The following SYNE1 variants were observed in gnomAD, a reference collection of about 807,000 sequenced individuals.
SYNE1 encodes nesprin-1.
A neutral mutation model predicts 1,111.0 loss-of-function variants in SYNE1; 616 were observed. The observed-to-expected ratio is 0.55, with a 90% CI of 0.52 to 0.59. The LOEUF (loss-of-function observed/expected upper bound fraction) is 0.59, where lower values mean the gene tolerates loss of function less well. SYNE1 is among the 20% of genes least tolerant of loss of function. The pLI, the probability that SYNE1 is intolerant of heterozygous loss-of-function variation, is 0.00. For synonymous variants in SYNE1, 3,855 were observed against 3,825.8 expected (o/e 1.01, Z -0.28); for missense variants, 10,006 against 10,417.0 (o/e 0.96, Z 1.72).
intron 51 of SYNE1, among the ~76,000 whole-genome samples, chr6:152,393,912 G>T (rs1563665787): frequency 6.6e-6 from 1 of 152,148 alleles, no homozygotes; most frequent in East Asian, 1.9e-4. Flanking sequence ...GTGCCATGGT[G>T]GTTTGCTGCA....
rs2058919264 is a variant in SYNE1, at chr6:152,143,635, G to A, written c.25107C>T (p.Ser8369=). ...KTPTGPELDT[S]YKGYMKLLGE... ...CCAGGATACTTACGTAGCCTTTGTAGCTGGTGTCTAGCTCCGGCCCCGTGG... is the reference window on the plus strand; with the variant it reads ...CCAGGATACTTACGTAGCCTTTGTAACTGGTGTCTAGCTCCGGCCCCGTGG... The change falls in exon 138 of 146, where the codon AGC becomes AGT. Residue 8369 remains serine (S), a synonymous_variant. Coordinates refer to ENST00000367255, the MANE Select transcript of SYNE1 (RefSeq NM_182961.4). 1 of 1,614,064 alleles carries A rather than the reference G, an allele frequency of 6.2e-7. No homozygotes were observed. Among genetic ancestry groups the A allele is most frequent in the African/African-American group, 1.3e-5 (1 of 74,922 alleles).
Position 152,213,810 on chromosome 6 carries a change from C to T in SYNE1, c.22347-51G>A, listed in dbSNP as rs1420566926. 3 of 1,610,304 alleles carry T rather than the reference C, an allele frequency of 1.9e-6. No individual in the cohort carries two copies. The South Asian group carries it at 3.3e-5, about 18-fold the overall frequency. On this transcript the variant is annotated intron_variant, in intron 122 of 145. Coordinates refer to ENST00000367255, the MANE Select transcript of SYNE1 (RefSeq NM_182961.4). Reference sequence around the variant, plus strand: ...ATGGTTATTTCACTGCTTATTCTTACTTCTCTAGCATATAAAACTAGATTA... The same window carrying T: ...ATGGTTATTTCACTGCTTATTCTTATTTCTCTAGCATATAAAACTAGATTA...
In SYNE1 at chr6:152,149,414, C is replaced by T. The variant is rs1417006460; in HGVS notation, c.24642+63G>A. On this transcript the variant is annotated intron_variant, in intron 136 of 145. Coordinates refer to ENST00000367255, the MANE Select transcript of SYNE1 (RefSeq NM_182961.4). ...AGCTCTCACCCACTATCAATACAAC[C>T]CAATCCCACACGACTTATTCTCTTT... The T allele has an allele frequency of 2.5e-6, 4 of 1,601,262 alleles. No individual in the cohort carries two copies. The Admixed American group carries it at 6.7e-5, about 27-fold the overall frequency.
chr6:152,534,371 G>C (rs1370358120), intron 4 of SYNE1, among the ~76,000 whole-genome samples: 1 of 151,882 alleles, frequency 6.6e-6, no homozygotes, highest in Admixed American at 6.6e-5. Flanking sequence ...ATTTTGAAAT[G>C]GGAATTTTCC....
Position 152,151,533 on chromosome 6 carries a change from C to T in SYNE1, c.24450+20G>A. The T allele has an allele frequency of 1.2e-6, 2 of 1,613,530 alleles. No individual in the cohort carries two copies. The highest frequency in any genetic ancestry group is 8.5e-7 in the Non-Finnish European group (1 of 1,179,836). On this transcript the variant is annotated intron_variant, in intron 135 of 145. Coordinates refer to ENST00000367255, the MANE Select transcript of SYNE1 (RefSeq NM_182961.4). ...TTTCAGGCTTTCTTCACTTTGGTAA[C>T]TTGAAAAATAATCTATTACCTTGAG...
Position 152,502,669 on chromosome 6 carries a change from G to A in SYNE1, c.852C>T (p.Asp284=). 2 of 1,613,904 alleles carry A rather than the reference G, an allele frequency of 1.2e-6. No individual in the cohort carries two copies. Among genetic ancestry groups the A allele is most frequent in the Non-Finnish European group, 1.7e-6 (2 of 1,179,890 alleles). The change falls in exon 10 of 146, where the codon GAC becomes GAT. Residue 284 remains aspartate, a synonymous_variant. Coordinates refer to ENST00000367255, the MANE Select transcript of SYNE1 (RefSeq NM_182961.4). ...GCCCATCAGTGCTTGCATTGTGGAT[G>A]TCAGGATAATGTTTCAGAAACTGGG... ...YVAQFLKHYP[D]IHNASTDGQE... is the part of the protein sequence containing the mutation.
At chr6:152,504,974 T>A (rs1384421655) in intron 9 of SYNE1, among the ~76,000 whole-genome samples, 1 of 152,192 alleles carries the variant, frequency 6.6e-6, no homozygotes, top group Non-Finnish European at 1.5e-5. Flanking sequence ...CCGACTGACA[T>A]ACCAATGCCA....
Position 152,416,923 on chromosome 6 carries a change from G to A in SYNE1, c.5514C>T (p.Asp1838=). The change falls in exon 41 of 146, where the codon GAC becomes GAT. Residue 1838 remains aspartate (D), a synonymous_variant. Transcript: ENST00000367255. ...AKLGSLGRAE[D]LHLLQGKAED... The stretch of plus-strand genomic sequence containing the variant: ...CAGCCTTTCCCTGCAGGAGGTGGAG[G>A]TCCTCAGCACGGCCCAGAGAACCCA... 6.2e-7 allele frequency: 1 copy of A among 1,614,104 alleles called. No homozygotes were observed. Among genetic ancestry groups the A allele is most frequent in the South Asian group, 1.1e-5 (1 of 91,082 alleles).
chr6:152,366,534 C>T (rs1254010514), intron 62 of SYNE1, among the ~76,000 whole-genome samples: 3 of 152,078 alleles, frequency 2.0e-5, no homozygotes, highest in Admixed American at 6.6e-5. Context: ...CCACACAACT[C>T]GGGTTACCTA....
At chr6:152,569,910 C>T (rs2099438878) in intron 3 of SYNE1, among the ~76,000 whole-genome samples, 1 of 152,160 alleles carries the variant, frequency 6.6e-6, no homozygotes, top group African/African-American at 2.4e-5. Flanking sequence ...AAAATAAATA[C>T]ACCTTTATTA....
Position 152,319,035 on chromosome 6 carries a change from C to T in SYNE1, c.16237-20G>A, listed in dbSNP as rs1463216530. On this transcript the variant is annotated intron_variant, in intron 84 of 145. Coordinates refer to ENST00000367255, the MANE Select transcript of SYNE1 (RefSeq NM_182961.4). ...TTGGATCTAAAAAAATCAGTAAGAACAGCAAAACAAGCCATGGTTAAAAGT... is the reference window on the plus strand; with the variant it reads ...TTGGATCTAAAAAAATCAGTAAGAATAGCAAAACAAGCCATGGTTAAAAGT... The T allele has an allele frequency of 6.2e-6, 10 of 1,613,664 alleles. No homozygotes were observed. The highest frequency in any genetic ancestry group is 8.5e-6 in the Non-Finnish European group (10 of 1,179,858).
At chr6:152,200,079 C>G (rs180986953) in intron 127 of SYNE1, among the ~76,000 whole-genome samples, 38 of 152,192 alleles carry the variant, frequency 2.5e-4, no homozygotes, top group Non-Finnish European at 3.5e-4. Context: ...ACCCCCCCAA[C>G]TCGAGCATCA....
At chr6:152,593,514 A>T (rs913694978) in intron 3 of SYNE1, among the ~76,000 whole-genome samples, 1 of 152,102 alleles carries the variant, frequency 6.6e-6, no homozygotes, top group Non-Finnish European at 1.5e-5. Flanking sequence ...TCCGGGAGGC[A>T]GAGCTTATAG....
At chr6:152,176,892 T>C (rs922753176) in intron 129 of SYNE1, among the ~76,000 whole-genome samples, 6 of 152,164 alleles carry the variant, frequency 3.9e-5, no homozygotes, top group African/African-American at 1.2e-4. Context: ...AATTATAGTT[T>C]ATTTCTCTCA....
chr6:152,138,752 T>C (rs2057714131), intron 140 of SYNE1, among the ~76,000 whole-genome samples: 1 of 151,994 alleles, frequency 6.6e-6, no homozygotes, highest in Admixed American at 6.6e-5. Context: ...AAACAAGCAC[T>C]GATGGGTTTT....
chr6:152,365,488 C>CT lies in SYNE1; in HGVS notation c.9973-470dup, dbSNP rs751896569. 9.2e-5 allele frequency among the ~76,000 whole-genome samples: 14 copies of CT among 152,260 alleles called. No individual in the cohort carries two copies. The East Asian group carries it at 2.3e-3, about 25-fold the overall frequency. On this transcript the variant is annotated intron_variant, in intron 62 of 145. Transcript: ENST00000367255. ...CTTTTGCTTTTTTTAGAGACAGAGT[C>CT]TATCTTTCTCTCCCAGGCTTCAGTG...
chr6:152,437,630 C>A (rs928163750), intron 32 of SYNE1, among the ~76,000 whole-genome samples: 5 of 151,786 alleles, frequency 3.3e-5, no homozygotes, highest in African/African-American at 1.2e-4. Flanking sequence ...TAGATGTTAC[C>A]TGAATTTTGT....
chr6:152,412,474 G>A (rs2098079575), intron 42 of SYNE1, among the ~76,000 whole-genome samples: 1 of 151,456 alleles, frequency 6.6e-6, no homozygotes, highest in African/African-American at 2.4e-5. Context: ...AATGACATAT[G>A]TTGTGCTAGA....
At chr6:152,185,584 C>T (rs1263489473) in intron 128 of SYNE1, among the ~76,000 whole-genome samples, 1 of 152,212 alleles carries the variant, frequency 6.6e-6, no homozygotes, top group Non-Finnish European at 1.5e-5. Context: ...ATTTTTCAGA[C>T]TGAAGTATTA....
Sources: gnomAD v4.1 joint callset for allele counts (sites outside exome capture counted in the v4.1 genomes callset) on GRCh38, gnomAD v4.1.1 for gene constraint, MANE v1.5 for transcripts, NCBI Gene and HGNC (gene_info 2026-07-23, HGNC 2026-07-21) for gene names.